The following ANO4 variants were observed in gnomAD, a reference collection of about 807,000 sequenced individuals.
The protein encoded by ANO4 is anoctamin-4.
In ANO4, 69 loss-of-function variants were observed where a neutral mutation model predicts 141.9. That is an observed-to-expected ratio of 0.49 (90% CI 0.40 to 0.59). The LOEUF (loss-of-function observed/expected upper bound fraction) is 0.59, where lower values mean the gene tolerates loss of function less well. Ranked by LOEUF, ANO4 falls within the 20% of genes least tolerant of loss-of-function variation. The probability of loss-of-function intolerance (pLI) is 0.00; values close to 1 mark genes in which losing one functional copy is unlikely to be tolerated. For missense variants in ANO4, 894 were observed against 1,162.2 expected, an observed-to-expected ratio of 0.77 and a Z score of 3.36; for synonymous variants, 350 against 394.3, an observed-to-expected ratio of 0.89 and a Z score of 1.33.
chr12:100,754,350 T>C (rs2032517785), intron 3 of ANO4, among the ~76,000 whole-genome samples: 1 of 146,502 alleles, frequency 6.8e-6, no homozygotes, highest in Non-Finnish European at 1.5e-5. Context: ...GTCTTTCTAC[T>C]TTCTTGCCGG....
At chr12:100,750,688 C>T (rs1482267338) in intron 3 of ANO4, among the ~76,000 whole-genome samples, 5 of 152,088 alleles carry the variant, frequency 3.3e-5, no homozygotes, top group Admixed American at 1.3e-4. Context: ...TCTTTACCAC[C>T]AGTTATAAGT....
chr12:100,775,523 T>C (rs891192374), intron 3 of ANO4, among the ~76,000 whole-genome samples: 19 of 152,206 alleles, frequency 1.2e-4, no homozygotes, highest in Non-Finnish European at 2.2e-4. Context: ...GATTCCTACA[T>C]CTACGCTTTA....
chr12:100,973,778 G>A (rs1479728427), intron 6 of ANO4, among the ~76,000 whole-genome samples: 1 of 152,126 alleles, frequency 6.6e-6, no homozygotes, highest in Non-Finnish European at 1.5e-5. Flanking sequence ...TTTTGACAAA[G>A]GCATATCATG....
intron 1 of ANO4, chr12:100,842,075 C>CGA (rs1250550728): frequency 9.9e-6 from 1 of 100,614 alleles, no homozygotes; most frequent in Non-Finnish European, 2.1e-5. Flanking sequence ...CCCCCCCCCC[C>CGA]CCACTGAAAG....
intron 26 of ANO4, among the ~76,000 whole-genome samples, chr12:101,126,069 C>A (rs2051301625): frequency 6.6e-6 from 1 of 152,102 alleles, no homozygotes; most frequent in Admixed American, 6.5e-5. Context: ...TTTCCATTTT[C>A]TTTTAATATT....
At chr12:101,053,277 A>G (rs1207864327) in intron 14 of ANO4, among the ~76,000 whole-genome samples, 1 of 152,220 alleles carries the variant, frequency 6.6e-6, no homozygotes, top group Non-Finnish European at 1.5e-5. Flanking sequence ...TTGGAAGGAG[A>G]CATAGATAAC....
At chr12:101,066,589 C>A in intron 14 of ANO4, 1 of 493,872 alleles carries the variant, frequency 2.0e-6, no homozygotes, top group Non-Finnish European at 3.6e-6. Flanking sequence ...AGAACACTGA[C>A]GAAAGAAATG....
chr12:100,828,625 A>G (rs763687680), intron 1 of ANO4, among the ~76,000 whole-genome samples: 2 of 152,020 alleles, frequency 1.3e-5, no homozygotes, highest in African/African-American at 4.8e-5. Context: ...CACGTGATTG[A>G]TTGTAAAGGC....
At chr12:101,101,290 C>A (rs146858729) in intron 22 of ANO4, among the ~76,000 whole-genome samples, 43 of 152,224 alleles carry the variant, frequency 2.8e-4, no homozygotes, top group African/African-American at 9.9e-4. Flanking sequence ...AGAGTACATA[C>A]CCTTTGTAGT....
chr12:101,103,845 G>T (rs1377771332), intron 22 of ANO4, among the ~76,000 whole-genome samples: 2 of 151,810 alleles, frequency 1.3e-5, no homozygotes, highest in African/African-American at 4.8e-5. Flanking sequence ...CAATGAAGTA[G>T]CAGGACTTGA....
chr12:101,039,612 C>T (rs897145515), intron 10 of ANO4, among the ~76,000 whole-genome samples: 1 of 152,196 alleles, frequency 6.6e-6, no homozygotes, highest in Non-Finnish European at 1.5e-5. Context: ...CATAAGAAAC[C>T]AAATGGGACA....
intron 1 of ANO4, among the ~76,000 whole-genome samples, chr12:100,801,560 G>T (rs928630449): frequency 6.6e-6 from 1 of 151,772 alleles, no homozygotes; most frequent in Non-Finnish European, 1.5e-5. Flanking sequence ...ACTAGTGAGG[G>T]TTTGTCCCAT....
intron 17 of ANO4, among the ~76,000 whole-genome samples, chr12:101,091,667 C>G (rs2049781711): frequency 6.6e-6 from 1 of 152,056 alleles, no homozygotes. Flanking sequence ...CCATACTTTT[C>G]TTCCAAAGGT....
chr12:101,123,551 A>ATAAG (rs909730688), intron 26 of ANO4, among the ~76,000 whole-genome samples: 18 of 136,478 alleles, frequency 1.3e-4, no homozygotes, highest in African/African-American at 4.0e-4. Context: ...GCTCCCACTT[A>ATAAG]TAAGTGAGAA....
intron 5 of ANO4, among the ~76,000 whole-genome samples, chr12:100,954,648 A>G (rs1412735203): frequency 1.3e-5 from 2 of 152,176 alleles, no homozygotes; most frequent in African/African-American, 4.8e-5. Flanking sequence ...CTGTCCCTTC[A>G]TTTGAGGCTA....
At chr12:101,110,689 ATTATATTAGT>A in intron 23 of ANO4, 133 bp downstream of exon 23, 1 of 773,042 alleles carries the variant, frequency 1.3e-6, no homozygotes, top group Non-Finnish European at 1.8e-6. Context: ...GCAAAGAATA[ATTATATTAGT>A]TTTAAATAAT....
chr12:101,114,034 T>C (rs753156125), intron 24 of ANO4, among the ~76,000 whole-genome samples: 1 of 152,200 alleles, frequency 6.6e-6, no homozygotes, highest in Admixed American at 6.5e-5. Context: ...CAATTCTCCC[T>C]GATCATCAGT....
In ANO4 at chr12:100,971,197, C is replaced by T. The variant is rs1187978550; in HGVS notation, c.457-109C>T. Reference sequence around the variant, plus strand: ...GGGTCTGGCCTATTGGTGAGGAATGCCCCAAATCATAAACTCTGTCCAGGT... The same window carrying T: ...GGGTCTGGCCTATTGGTGAGGAATGTCCCAAATCATAAACTCTGTCCAGGT... On this transcript the variant is annotated intron_variant, in intron 5 of 27. Transcript: ENST00000392977. The T allele has an allele frequency of 4.6e-6, 3 of 657,216 alleles. No individual in the cohort carries two copies. The Admixed American group carries it at 7.9e-5, about 17-fold the overall frequency. 40.7% of individuals were successfully genotyped at this position (657,216 alleles called of 1,614,324 possible).
chr12:100,763,758 A>G (rs993694015), intron 3 of ANO4, among the ~76,000 whole-genome samples: 1 of 152,114 alleles, frequency 6.6e-6, no homozygotes, highest in African/African-American at 2.4e-5. Context: ...TTATAACCCC[A>G]TTTCTCCCAT....
Sources: gnomAD v4.1 joint callset for allele counts (sites outside exome capture counted in the v4.1 genomes callset) on GRCh38, gnomAD v4.1.1 for gene constraint, MANE v1.5 for transcripts, NCBI Gene and HGNC (gene_info 2026-07-23, HGNC 2026-07-21) for gene names.